The following AKAP13 variants were observed in gnomAD, a reference collection of about 807,000 sequenced individuals.
The protein encoded by AKAP13 is A-kinase anchor protein 13.
AKAP13 carries 80 observed loss-of-function variants against 264.5 expected under a neutral mutation model. The observed-to-expected ratio is 0.30, with a 90% CI of 0.25 to 0.36. The LOEUF is 0.36. AKAP13 is among the 10% of genes least tolerant of loss of function. The pLI is 1.00. For missense variants in AKAP13, 3,712 were observed against 3,435.2 expected, an observed-to-expected ratio of 1.08 and a Z score of -2.01; for synonymous variants, 1,380 against 1,250.2, an observed-to-expected ratio of 1.10 and a Z score of -2.19.
At chr15:85,529,706 G>T (rs2077188759) in intron 3 of AKAP13, among the ~76,000 whole-genome samples, 1 of 152,196 alleles carries the variant, frequency 6.6e-6, no homozygotes, top group African/African-American at 2.4e-5. Context: ...GAGTAGGCCT[G>T]CCAAACTGGT....
chr15:85,673,315 G>A (rs947088654), intron 14 of AKAP13, among the ~76,000 whole-genome samples: 14 of 152,152 alleles, frequency 9.2e-5, no homozygotes, highest in African/African-American at 3.4e-4. Context: ...GCTTCTTTAG[G>A]AACCACAGAG....
At chr15:85,470,528 C>G (rs2074922825) in intron 1 of AKAP13, among the ~76,000 whole-genome samples, 1 of 152,196 alleles carries the variant, frequency 6.6e-6, no homozygotes, top group South Asian at 2.1e-4. Flanking sequence ...GAGGAATAAT[C>G]TGACACCTAG....
At chr15:85,660,411 G>C (rs974678827) in intron 12 of AKAP13, among the ~76,000 whole-genome samples, 2 of 130,364 alleles carry the variant, frequency 1.5e-5, no homozygotes, top group African/African-American at 5.6e-5. Context: ...TCTCCCTATT[G>C]TTTTTCACTC....
intron 1 of AKAP13, among the ~76,000 whole-genome samples, chr15:85,479,317 A>T (rs1459156239): frequency 1.3e-5 from 2 of 152,166 alleles, no homozygotes; most frequent in Admixed American, 1.3e-4. Flanking sequence ...CTGGAGGAAG[A>T]GCTGAACATT....
intron 10 of AKAP13, among the ~76,000 whole-genome samples, chr15:85,653,687 T>TA (rs2082971313): frequency 6.6e-6 from 1 of 152,194 alleles, no homozygotes; most frequent in East Asian, 1.9e-4. Context: ...AATTTTTTTT[T>TA]ACCCTTAATT....
rs570709129 is a variant in AKAP13 at position 85,456,695 on chromosome 15, C to T, written c.-11-29015C>T. ...CCTCCCGAGTAGCTGGGACTACAGG[C>T]GCCCGCCACCACGCTTGGCTAATTT... On this transcript the variant is annotated intron_variant, in intron 1 of 36. Coordinates refer to ENST00000394518, the MANE Select transcript of AKAP13 (RefSeq NM_007200.5). Among the ~76,000 whole-genome samples, 65 of 151,966 alleles carry T rather than the reference C, an allele frequency of 4.3e-4. No individual in the cohort carries two copies. The South Asian group carries it at 9.3e-3, about 22-fold the overall frequency.
At chr15:85,729,038 T>G (rs138209881) in intron 29 of AKAP13, among the ~76,000 whole-genome samples, 3 of 152,010 alleles carry the variant, frequency 2.0e-5, no homozygotes, top group Non-Finnish European at 4.4e-5. Context: ...CGGTGGCTCA[T>G]GCCTGTAATC....
chr15:85,707,268 G>A (rs2151687145), intron 17 of AKAP13, among the ~76,000 whole-genome samples: 1 of 152,338 alleles, frequency 6.6e-6, no homozygotes, highest in Middle Eastern at 3.4e-3. Flanking sequence ...AGAGGCTTGG[G>A]TTTTTACGTC....
chr15:85,592,419 C>G (rs993910040), intron 8 of AKAP13, among the ~76,000 whole-genome samples: 1 of 152,144 alleles, frequency 6.6e-6, no homozygotes, highest in Non-Finnish European at 1.5e-5. Context: ...TGCTGATATT[C>G]AAAATGGCTT....
At chr15:85,741,003 G>T (rs371816914) in intron 34 of AKAP13, 43 bp from the exon 35 acceptor site, 2 of 1,562,474 alleles carry the variant, frequency 1.3e-6, no homozygotes, top group Admixed American at 1.8e-5. Flanking sequence ...GCTCGCTGTC[G>T]TCCTGGCCAG....
chr15:85,425,071 C>T (rs569425355), intron 1 of AKAP13, among the ~76,000 whole-genome samples: 13 of 152,052 alleles, frequency 8.5e-5, no homozygotes, highest in Admixed American at 4.6e-4. Flanking sequence ...TGAAGATGTT[C>T]GAAATATTGT....
At chr15:85,663,423 C>T (rs993559857) in intron 12 of AKAP13, among the ~76,000 whole-genome samples, 1 of 151,906 alleles carries the variant, frequency 6.6e-6, no homozygotes, top group African/African-American at 2.4e-5. Flanking sequence ...TTTAGTTTAC[C>T]TACTAGAGAA....
chr15:85,728,699 T>TG (rs1427116662), intron 29 of AKAP13, among the ~76,000 whole-genome samples: 1 of 151,308 alleles, frequency 6.6e-6, no homozygotes, highest in Non-Finnish European at 1.5e-5. Flanking sequence ...CACACAAGAG[T>TG]GGTTATGTGC....
intron 10 of AKAP13, among the ~76,000 whole-genome samples, chr15:85,648,106 G>A (rs867856633): frequency 1.3e-5 from 2 of 151,962 alleles, no homozygotes; most frequent in Admixed American, 6.6e-5. Context: ...TCTGTTCCCC[G>A]CAAGGGGAAT....
intron 9 of AKAP13, among the ~76,000 whole-genome samples, chr15:85,645,280 C>T (rs763460692): frequency 2.6e-5 from 4 of 152,074 alleles, no homozygotes; most frequent in African/African-American, 4.8e-5. Context: ...GTTATTGAAC[C>T]GAAAACATTC....
At chr15:85,430,133 T>C (rs898242219) in intron 1 of AKAP13, among the ~76,000 whole-genome samples, 14 of 152,218 alleles carry the variant, frequency 9.2e-5, no homozygotes, top group Non-Finnish European at 1.2e-4. Context: ...CCTCGTCATA[T>C]TCTGTAAAGT....
At chr15:85,714,518 G>C (rs1467636619) in intron 19 of AKAP13, among the ~76,000 whole-genome samples, 2 of 152,228 alleles carry the variant, frequency 1.3e-5, no homozygotes, top group Non-Finnish European at 2.9e-5. Context: ...AGAATCACTT[G>C]AGCCTGTAAG....
At chr15:85,583,680 C>T (rs1017142142) in intron 7 of AKAP13, among the ~76,000 whole-genome samples, 1 of 152,112 alleles carries the variant, frequency 6.6e-6, no homozygotes, top group Non-Finnish European at 1.5e-5. Flanking sequence ...GCTCAGTGGT[C>T]AGAATTTGAC....
intron 4 of AKAP13, chr15:85,535,365 C>CT (rs1283768282): frequency 1.3e-5 from 2 of 152,194 alleles, no homozygotes; most frequent in Admixed American, 1.3e-4. Context: ...CAGATTCTAC[C>CT]TGGATAGTCC....
Sources: gnomAD v4.1 joint callset for allele counts (sites outside exome capture counted in the v4.1 genomes callset) on GRCh38, gnomAD v4.1.1 for gene constraint, MANE v1.5 for transcripts, NCBI Gene and HGNC (gene_info 2026-07-23, HGNC 2026-07-21) for gene names.